CCDC91: variants seen among roughly 807,000 people sequenced by gnomAD.
CCDC91 encodes coiled-coil domain-containing protein 91.
In CCDC91, 48 loss-of-function variants were observed where a neutral mutation model predicts 63.2. That is an observed-to-expected ratio of 0.76 (90% CI 0.60 to 0.97). The LOEUF is 0.97. CCDC91 is among the 50% of genes least tolerant of loss of function. The pLI, the probability that CCDC91 is intolerant of heterozygous loss-of-function variation, is 0.00. For missense variants in CCDC91, 500 were observed against 494.6 expected, an observed-to-expected ratio of 1.01 and a Z score of -0.10; for synonymous variants, 167 against 165.8, an observed-to-expected ratio of 1.01 and a Z score of -0.06.
At position 28,232,991 on chromosome 12, in the gene CCDC91, A is replaced by T. The variant is rs572894005; in HGVS notation, c.-14-24211A>T. On this transcript the variant is annotated intron_variant, in intron 1 of 12. Coordinates refer to ENST00000536442, the MANE Select transcript of CCDC91 (RefSeq NM_018318.5). The stretch of plus-strand genomic sequence containing the variant: ...CTATCTCCAAAAAAAAAAAAAAAAA[A>T]ATATCATTACTGGTTTTTGTTTCAG... 4.9e-3 allele frequency among the ~76,000 whole-genome samples: 745 copies of T among 151,916 alleles called. 2 individuals carry two copies. The highest frequency in any genetic ancestry group is 0.017 in the African/African-American group (684 of 41,408).
chr12:28,204,138 T>C (rs1452560647), intron 1 of CCDC91, among the ~76,000 whole-genome samples: 3 of 152,184 alleles, frequency 2.0e-5, no homozygotes, highest in African/African-American at 7.2e-5. Flanking sequence ...GCAGTCATAA[T>C]TGAGAATATT....
chr12:28,427,578 A>C (rs1047123206), intron 8 of CCDC91, among the ~76,000 whole-genome samples: 15 of 152,068 alleles, frequency 9.9e-5, no homozygotes, highest in African/African-American at 2.9e-4. Flanking sequence ...AATTCCTCAA[A>C]ATTGTCATTG....
chr12:28,259,293 G>C (rs377561937), intron 2 of CCDC91, 71 bp from the exon 3 acceptor site: 1 of 1,094,410 alleles, frequency 9.1e-7, no homozygotes, highest in Non-Finnish European at 1.4e-6. Context: ...TATTGAACTG[G>C]AATGCTTGAT....
intron 11 of CCDC91, among the ~76,000 whole-genome samples, chr12:28,479,267 G>A (rs767252620): frequency 1.6e-4 from 24 of 152,224 alleles, no homozygotes; most frequent in South Asian, 8.3e-4. Context: ...TGTACACCAT[G>A]GAATACTATG....
At chr12:28,502,507 C>A (rs888928125) in intron 12 of CCDC91, among the ~76,000 whole-genome samples, 1 of 150,608 alleles carries the variant, frequency 6.6e-6, no homozygotes, top group Admixed American at 6.6e-5. Flanking sequence ...GCCATACTGC[C>A]CAAGGTAATT....
chr12:28,319,133 T>C (rs1940214929), intron 6 of CCDC91, among the ~76,000 whole-genome samples: 1 of 151,960 alleles, frequency 6.6e-6, no homozygotes, highest in African/African-American at 2.4e-5. Flanking sequence ...AACAGTTAGT[T>C]TGGAAATTTA....
intron 12 of CCDC91, among the ~76,000 whole-genome samples, chr12:28,519,703 A>C: frequency 6.8e-6 from 1 of 147,136 alleles, no homozygotes; most frequent in East Asian, 2.0e-4. Context: ...ATATCTCCTA[A>C]TGCTATCCCT....
intron 6 of CCDC91, among the ~76,000 whole-genome samples, chr12:28,314,551 T>C (rs1939646591): frequency 2.0e-5 from 3 of 151,994 alleles, no homozygotes; most frequent in Non-Finnish European, 4.4e-5. Context: ...TAGTTTGCGG[T>C]CTTATGTAGG....
intron 8 of CCDC91, among the ~76,000 whole-genome samples, chr12:28,398,078 A>C (rs1468136400): frequency 6.6e-6 from 1 of 152,132 alleles, no homozygotes; most frequent in Non-Finnish European, 1.5e-5. Context: ...AATTAAATGT[A>C]CTCATTCTAT....
intron 12 of CCDC91, among the ~76,000 whole-genome samples, chr12:28,501,139 T>C (rs1157265737): frequency 1.3e-5 from 2 of 151,700 alleles, no homozygotes; most frequent in East Asian, 3.9e-4. Context: ...AGAAGCACTC[T>C]AGTCATCAGC....
intron 3 of CCDC91, among the ~76,000 whole-genome samples, chr12:28,264,011 A>G (rs958514580): frequency 2.0e-5 from 3 of 151,694 alleles, no homozygotes; most frequent in African/African-American, 4.8e-5. Flanking sequence ...TTGGTGCTCA[A>G]TTAACTTTCC....
intron 3 of CCDC91, among the ~76,000 whole-genome samples, chr12:28,275,696 G>A (rs1948160332): frequency 6.6e-6 from 1 of 152,112 alleles, no homozygotes; most frequent in South Asian, 2.1e-4. Flanking sequence ...CAATATCCCT[G>A]ATGAACACCG....
chr12:28,286,041 G>A (rs544456393), intron 3 of CCDC91, among the ~76,000 whole-genome samples: 16 of 152,012 alleles, frequency 1.1e-4, no homozygotes, highest in Non-Finnish European at 2.2e-4. Flanking sequence ...TGTGAATCTA[G>A]TTCTCAAATC....
rs148456714 is a variant in CCDC91 at position 28,438,642 on chromosome 12, C to T, written c.763-11519C>T. On this transcript the variant is annotated intron_variant, in intron 8 of 12. Transcript: ENST00000536442. Reference sequence around the variant, plus strand: ...AGGTTGAAATAAGTTTATGGATGCTCCCTGACTTAATGACAGTTTGACTTA... The same window carrying T: ...AGGTTGAAATAAGTTTATGGATGCTTCCTGACTTAATGACAGTTTGACTTA... Among the ~76,000 whole-genome samples the T allele has an allele frequency of 1.9e-3, 287 of 152,230 alleles. 2 individuals are homozygous for T. Among genetic ancestry groups the T allele is most frequent in the African/African-American group, 6.4e-3 (267 of 41,546 alleles).
In CCDC91 at chr12:28,549,186, A is replaced by C. The variant is rs1409166366; in HGVS notation, c.*13A>C. ...TGACATTGAATAAAAAGAACATGAC[A>C]AACCCACACTGGCATTGGATAAATC... On this transcript the variant is annotated 3_prime_UTR_variant, in exon 13 of 13. Transcript: ENST00000536442. 7.2e-7 allele frequency: 1 copy of C among 1,382,554 alleles called. No individual in the cohort carries two copies. The highest frequency in any genetic ancestry group is 1.7e-5 in the Admixed American group (1 of 59,260). The allele number at this position is 1,382,554 out of a possible 1,614,324, so 85.6% of individuals were successfully genotyped here. A position where few individuals can be genotyped will look rare whatever the true frequency, so the allele number is the denominator to read the frequency against.
chr12:28,235,298 C>T (rs542947291), intron 1 of CCDC91, among the ~76,000 whole-genome samples: 1 of 152,158 alleles, frequency 6.6e-6, no homozygotes, highest in South Asian at 2.1e-4. Context: ...TAATTTGTGG[C>T]CTTTTAAAAT....
At chr12:28,331,381 G>C (rs1260005882) in intron 6 of CCDC91, among the ~76,000 whole-genome samples, 2 of 152,260 alleles carry the variant, frequency 1.3e-5, no homozygotes, top group Middle Eastern at 3.4e-3. Context: ...AAAACGTCAG[G>C]CTGGGCTAAA....
chr12:28,326,004 A>C (rs1354238472), intron 6 of CCDC91, among the ~76,000 whole-genome samples: 1 of 152,162 alleles, frequency 6.6e-6, no homozygotes. Flanking sequence ...CCTTGCATAC[A>C]AAACTTTATC....
At chr12:28,537,233 A>G (rs542930606) in intron 12 of CCDC91, among the ~76,000 whole-genome samples, 1 of 152,308 alleles carries the variant, frequency 6.6e-6, no homozygotes, top group Non-Finnish European at 1.5e-5. Context: ...GGGGAAAAAA[A>G]GGAGGAGGCA....
Sources: allele counts gnomAD v4.1 joint callset (sites outside exome capture counted in the v4.1 genomes callset), GRCh38; gene constraint gnomAD v4.1.1; transcripts MANE v1.5; gene names NCBI Gene and HGNC (gene_info 2026-07-23, HGNC 2026-07-21).